PTCD1: variants seen among roughly 807,000 people sequenced by gnomAD.
The protein encoded by PTCD1 is pentatricopeptide repeat domain 1, also known as pentatricopeptide repeat-containing protein 1, mitochondrial.
In PTCD1, 50 loss-of-function variants were observed where a neutral mutation model predicts 53.4. That is an observed-to-expected ratio of 0.94 (90% CI 0.75 to 1.19). The LOEUF (loss-of-function observed/expected upper bound fraction) is 1.19, where lower values mean the gene tolerates loss of function less well. PTCD1 is among the 50% of genes most tolerant of loss of function. The pLI is 0.00. For missense variants in PTCD1, 918 were observed against 904.8 expected (o/e 1.01, Z -0.19); for synonymous variants, 413 against 394.8 (o/e 1.05, Z -0.55).
Position 99,425,576 on chromosome 7 carries a change from C to T in PTCD1, c.956G>A (p.Arg319Gln), listed in dbSNP as rs1025806354. 3.0e-5 allele frequency: 49 copies of T among 1,611,354 alleles called. No individual in the cohort carries two copies. Among genetic ancestry groups the T allele is most frequent in the Middle Eastern group, 1.8e-4 (1 of 5,610 alleles). ...CACCAACAGCAGGTTGTAGCTGTCCCGGCTCGGCTGTAGCCCTAGACTCAG... is the reference window on the plus strand; with the variant it reads ...CACCAACAGCAGGTTGTAGCTGTCCTGGCTCGGCTGTAGCCCTAGACTCAG... Reference protein sequence around the residue: ...LMLSLGLQPSRDSYNLLLVAA... With the variant: ...LMLSLGLQPSQDSYNLLLVAA... Residue 319 changes from arginine to glutamine, a missense_variant, in exon 6 of 8, where the codon CGG (arginine) becomes CAG (glutamine). Arg to Gln is a conservative substitution (Grantham distance 43, BLOSUM62 1). Coordinates refer to ENST00000292478, the MANE Select transcript of PTCD1 (RefSeq NM_015545.4).
intron 5 of PTCD1, among the ~76,000 whole-genome samples, chr7:99,427,664 G>A (rs974559051): frequency 3.3e-5 from 5 of 152,124 alleles, no homozygotes; most frequent in African/African-American, 9.6e-5. Flanking sequence ...GAATAGAAAG[G>A]GGGGAAAGGT....
Position 99,419,369 on chromosome 7 carries a change from TCA to T in PTCD1, c.*596_*597del. 6.2e-7 allele frequency: 1 copy of T among 1,612,696 alleles called. No homozygotes were observed. The highest frequency in any genetic ancestry group is 8.5e-7 in the Non-Finnish European group (1 of 1,179,942). ...GCGAGCGTGGCGCAGTGGCATCGTC[TCA>T]CTGTCCTCCTCCGTTGCAGGGCCGC... On this transcript the variant is annotated 3_prime_UTR_variant, in exon 8 of 8. Transcript: ENST00000292478.
intron 2 of PTCD1, among the ~76,000 whole-genome samples, chr7:99,434,356 G>A (rs1224362071): frequency 6.6e-6 from 1 of 152,080 alleles, no homozygotes; most frequent in African/African-American, 2.4e-5. Context: ...TGAGATGGGA[G>A]AATTGCTTGA....
At chr7:99,432,591 G>A (rs1476217732) in intron 3 of PTCD1, among the ~76,000 whole-genome samples, 2 of 148,788 alleles carry the variant, frequency 1.3e-5, no homozygotes, top group Admixed American at 6.6e-5. Context: ...CCTGCGCAGC[G>A]CAGGTCCTCC....
At chr7:99,427,716 A>G (rs1370961494) in intron 5 of PTCD1, among the ~76,000 whole-genome samples, 1 of 151,984 alleles carries the variant, frequency 6.6e-6, no homozygotes. Flanking sequence ...GTGTCTGTGT[A>G]GAAAGAAGTA....
rs1795503640 is a variant in PTCD1, at chr7:99,416,823, G to C, written c.*3144C>G. On this transcript the variant is annotated 3_prime_UTR_variant, in exon 8 of 8. Transcript: ENST00000292478. Reference sequence around the variant, plus strand: ...GCAGCCTCAACCTTCTGGGCTCAAGGGATCCTCTCACCTCAACCTCCTGAG... The same window carrying C: ...GCAGCCTCAACCTTCTGGGCTCAAGCGATCCTCTCACCTCAACCTCCTGAG... 1 of 156,964 alleles carries C rather than the reference G, an allele frequency of 6.4e-6. No homozygotes were observed. The highest frequency in any genetic ancestry group is 2.5e-5 in the African/African-American group (1 of 40,544). The allele number at this position is 156,964 out of a possible 1,614,324, so 9.7% of individuals were successfully genotyped here.
At chr7:99,427,695 G>A (rs1414144146) in intron 5 of PTCD1, among the ~76,000 whole-genome samples, 4 of 149,200 alleles carry the variant, frequency 2.7e-5, no homozygotes, top group African/African-American at 9.9e-5. Flanking sequence ...TTGAGAAATC[G>A]GATGGTTGCC....
In PTCD1 at chr7:99,420,073, G is replaced by T. The variant is rs774975423; in HGVS notation, c.1997C>A (p.Pro666His). The change falls in exon 8 of 8, where the codon CCC becomes CAC. Residue 666 changes from proline (P) to histidine (H), a missense_variant. Transcript: ENST00000292478. ...CCAGGGGTGCGGGGTTTCCTCTGCGGGCATCACTGTCAGCCACTGCTTGTA... is the reference window on the plus strand; with the variant it reads ...CCAGGGGTGCGGGGTTTCCTCTGCGTGCATCACTGTCAGCCACTGCTTGTA... The part of the protein sequence containing the change: ...AYYKQWLTVM[P>H]AEETPHPWQK... 6.2e-7 allele frequency: 1 copy of T among 1,614,200 alleles called. No homozygotes were observed. Among genetic ancestry groups the T allele is most frequent in the Non-Finnish European group, 8.5e-7 (1 of 1,180,028 alleles).
chr7:99,434,943 T>C lies in PTCD1; in HGVS notation c.300A>G (p.Arg100=). The C allele has an allele frequency of 1.2e-6, 2 of 1,614,234 alleles. No homozygotes were observed. Among genetic ancestry groups the C allele is most frequent in the Non-Finnish European group, 1.7e-6 (2 of 1,180,048 alleles). Residue 100 remains arginine, a synonymous_variant, in exon 2 of 8, where the codon AGA becomes AGG. Coordinates refer to ENST00000292478, the MANE Select transcript of PTCD1 (RefSeq NM_015545.4). ...ACTGGGCTGCGGATTTGCGGAATAG[T>C]CTCCGGGAGGAGTATTTGTCAGAGA... The part of the protein sequence containing the change: ...GTLSDKYSSR[R]LFRKSAAQFH...
intron 3 of PTCD1, among the ~76,000 whole-genome samples, chr7:99,431,911 T>C (rs964550088): frequency 1.3e-5 from 2 of 152,184 alleles, no homozygotes; most frequent in African/African-American, 2.4e-5. Flanking sequence ...TGCAGAGACA[T>C]GAGCTGTGTT....
At chr7:99,434,313 G>A (rs941319237) in intron 2 of PTCD1, among the ~76,000 whole-genome samples, 2 of 151,988 alleles carry the variant, frequency 1.3e-5, no homozygotes, top group Non-Finnish European at 2.9e-5. Context: ...AGGTGTGGTG[G>A]CACATGCCTG....
At chr7:99,429,081 A>C (rs932131448) in intron 5 of PTCD1, 22 bp downstream of exon 5, 1 of 1,613,644 alleles carries the variant, frequency 6.2e-7, no homozygotes. Context: ...CAGGGCAGGA[A>C]GGTGGGGTGG....
chr7:99,429,700 A>G lies in PTCD1; in HGVS notation c.701T>C (p.Leu234Pro). Residue 234 changes from leucine to proline, a missense_variant, in exon 4 of 8, where the codon CTC (leucine) becomes CCC (proline). Coordinates refer to ENST00000292478, the MANE Select transcript of PTCD1 (RefSeq NM_015545.4). Reference protein sequence around the residue: ...KDSALQSALKLRQQLQAKNFE... With the variant: ...KDSALQSALKPRQQLQAKNFE... ...GTTTTTGGCCTGCAGCTGCTGCCGG[A>G]GCTTCAGGGCGCTCTGTAGAGCTGA... is the stretch of plus-strand genomic sequence containing the variant. 6.2e-7 allele frequency: 1 copy of G among 1,614,172 alleles called. No homozygotes were observed. Among genetic ancestry groups the G allele is most frequent in the Non-Finnish European group, 8.5e-7 (1 of 1,180,024 alleles).
At chr7:99,437,651 G>T (rs1796536283) in intron 1 of PTCD1, among the ~76,000 whole-genome samples, 1 of 152,108 alleles carries the variant, frequency 6.6e-6, no homozygotes, top group Non-Finnish European at 1.5e-5. Context: ...GACAGCTTAA[G>T]ATACCACCTT....
At chr7:99,431,619 T>C (rs1796253336) in intron 3 of PTCD1, among the ~76,000 whole-genome samples, 1 of 152,024 alleles carries the variant, frequency 6.6e-6, no homozygotes. Context: ...TGTGCGCCTG[T>C]AGTCCCAGCT....
chr7:99,431,024 G>A (rs1364768226), intron 3 of PTCD1, among the ~76,000 whole-genome samples: 5 of 151,980 alleles, frequency 3.3e-5, no homozygotes, highest in East Asian at 1.9e-4. Context: ...GCATTGAGCC[G>A]AGGTCGCACC....
chr7:99,426,164 CT>C (rs1796010650), intron 5 of PTCD1, among the ~76,000 whole-genome samples: 1 of 143,074 alleles, frequency 7.0e-6, no homozygotes, highest in South Asian at 2.2e-4. Context: ...CTCCCTCTCC[CT>C]CTCCCCACGG....
At chr7:99,429,457 C>T (rs1796176953) in intron 4 of PTCD1, 131 bp downstream of exon 4, 3 of 1,390,562 alleles carry the variant, frequency 2.2e-6, no homozygotes, top group Admixed American at 3.9e-5. Context: ...TCTGTGAACC[C>T]CAGGGCCCAA....
chr7:99,438,415 T>A (rs975361921), intron 1 of PTCD1: 5 of 679,844 alleles, frequency 7.4e-6, no homozygotes, highest in Non-Finnish European at 9.4e-6. Context: ...CAGTGAGCTA[T>A]GATCGTACCC....
Sources: gnomAD v4.1 joint callset for allele counts (sites outside exome capture counted in the v4.1 genomes callset) on GRCh38, gnomAD v4.1.1 for gene constraint, MANE v1.5 for transcripts, NCBI Gene and HGNC (gene_info 2026-07-23, HGNC 2026-07-21) for gene names.